The following TBCA variants were observed in gnomAD, a reference collection of about 807,000 sequenced individuals.
TBCA encodes tubulin-specific chaperone A.
A neutral mutation model predicts 15.8 loss-of-function variants in TBCA; 6 were observed. The observed-to-expected ratio is 0.38, with a 90% confidence interval of 0.21 to 0.75. TBCA has a LOEUF of 0.75. TBCA is among the 30% of genes least tolerant of loss of function. The pLI, the probability that TBCA is intolerant of heterozygous loss-of-function variation, is 0.46. For synonymous variants in TBCA, 32 were observed against 42.3 expected (o/e 0.76, Z 0.94); for missense variants, 90 against 131.2 (o/e 0.69, Z 1.53).
chr5:77,747,035 A>C (rs187892907), intron 1 of TBCA, among the ~76,000 whole-genome samples: 2 of 152,270 alleles, frequency 1.3e-5, no homozygotes, highest in Admixed American at 1.3e-4. Flanking sequence ...CTAAACAAAA[A>C]TTTAAGCTAT....
chr5:77,770,201 T>C (rs978717530), intron 1 of TBCA, among the ~76,000 whole-genome samples: 5 of 152,356 alleles, frequency 3.3e-5, no homozygotes, highest in Middle Eastern at 6.8e-3. Flanking sequence ...ATAAGTCACT[T>C]AGCTGAAATA....
chr5:77,741,141 AAG>A (rs1451523572), intron 1 of TBCA, among the ~76,000 whole-genome samples: 2 of 152,156 alleles, frequency 1.3e-5, no homozygotes, highest in Non-Finnish European at 2.9e-5. Flanking sequence ...CTACTAAGAA[AAG>A]AAATCAGACT....
At chr5:77,695,253 T>A (rs1230713668) in intron 2 of TBCA, among the ~76,000 whole-genome samples, 1 of 152,168 alleles carries the variant, frequency 6.6e-6, no homozygotes, top group Non-Finnish European at 1.5e-5. Flanking sequence ...AGATCAAGAA[T>A]CCTCAGTCTA....
intron 2 of TBCA, among the ~76,000 whole-genome samples, chr5:77,700,953 A>G (rs1745997762): frequency 6.6e-6 from 1 of 152,196 alleles, no homozygotes; most frequent in South Asian, 2.1e-4. Flanking sequence ...CTAAGACCTG[A>G]AACCATGAAA....
At chr5:77,719,299 T>C (rs1403673055) in intron 1 of TBCA, among the ~76,000 whole-genome samples, 3 of 152,186 alleles carry the variant, frequency 2.0e-5, no homozygotes, top group African/African-American at 7.2e-5. Context: ...TTAAAGTAAA[T>C]GAAGCAATTT....
chr5:77,712,381 T>C (rs1746298854), intron 1 of TBCA, among the ~76,000 whole-genome samples: 1 of 152,164 alleles, frequency 6.6e-6, no homozygotes, highest in African/African-American at 2.4e-5. Context: ...TAAAATAGTA[T>C]TAGTTTTCTC....
At chr5:77,769,639 G>T (rs562246397) in intron 1 of TBCA, among the ~76,000 whole-genome samples, 1 of 151,842 alleles carries the variant, frequency 6.6e-6, no homozygotes, top group East Asian at 1.9e-4. Context: ...TTCGGAAGAT[G>T]CCACAGTTTG....
chr5:77,752,539 T>C lies in TBCA; in HGVS notation c.53+23666A>G, dbSNP rs1217285349. Among the ~76,000 whole-genome samples the C allele has an allele frequency of 2.1e-4, 10 of 47,840 alleles. 2 individuals are homozygous for C. The highest frequency in any genetic ancestry group is 5.0e-4 in the Non-Finnish European group (10 of 20,044). The allele number at this position is 47,840 out of a possible 152,430, so 31.4% of individuals were successfully genotyped here. ...CCACCATGTCCGGCTTATTTTTGTT[T>C]TGTTTTGTTTTGTTTTGTTTTTCTT... On this transcript the variant is annotated intron_variant, in intron 1 of 3. Coordinates refer to ENST00000380377, the MANE Select transcript of TBCA (RefSeq NM_004607.3).
At chr5:77,761,640 T>TAA (rs373655181) in intron 1 of TBCA, among the ~76,000 whole-genome samples, 16 of 144,936 alleles carry the variant, frequency 1.1e-4, no homozygotes, top group Non-Finnish European at 1.7e-4. Context: ...AATAAATACT[T>TAA]AAAAAAAAAA....
intron 1 of TBCA, among the ~76,000 whole-genome samples, chr5:77,746,723 G>A (rs1295192364): frequency 1.3e-5 from 2 of 152,036 alleles, no homozygotes; most frequent in African/African-American, 2.4e-5. Context: ...CATTACAAAT[G>A]TACCATCTGG....
At chr5:77,755,943 G>C (rs1381424557) in intron 1 of TBCA, among the ~76,000 whole-genome samples, 1 of 152,212 alleles carries the variant, frequency 6.6e-6, no homozygotes, top group Non-Finnish European at 1.5e-5. Flanking sequence ...GGCGGAGGTT[G>C]CGGTGAGCAG....
chr5:77,738,921 T>C (rs1035130177), intron 1 of TBCA, among the ~76,000 whole-genome samples: 11 of 152,144 alleles, frequency 7.2e-5, no homozygotes, highest in African/African-American at 2.7e-4. Context: ...GTTTCCAAAC[T>C]GCTGGTTGTA....
At chr5:77,711,531 T>G (rs906129614) in intron 1 of TBCA, among the ~76,000 whole-genome samples, 3 of 152,196 alleles carry the variant, frequency 2.0e-5, no homozygotes, top group Non-Finnish European at 4.4e-5. Context: ...GTTGGTTGAA[T>G]GAATAAAAAA....
intron 2 of TBCA, among the ~76,000 whole-genome samples, chr5:77,700,531 T>A (rs548825158): frequency 1.2e-4 from 18 of 152,340 alleles, no homozygotes; most frequent in Non-Finnish European, 2.6e-4. Context: ...ATCATATAGC[T>A]GATGGCTAAA....
chr5:77,753,461 T>C (rs1406580891), intron 1 of TBCA, among the ~76,000 whole-genome samples: 3 of 152,194 alleles, frequency 2.0e-5, no homozygotes, highest in African/African-American at 7.2e-5. Flanking sequence ...TCCCTTACTT[T>C]AAACCATTAA....
In TBCA at chr5:77,737,571, C is replaced by A. The variant is rs551840269; in HGVS notation, c.54-29224G>T. Among the ~76,000 whole-genome samples the A allele has an allele frequency of 2.6e-5, 4 of 152,210 alleles. No homozygotes were observed. The East Asian group carries it at 7.7e-4, about 29-fold the overall frequency. ...AATACTGAATAAGCTGCTTAATTTC[C>A]CTGTCTCAGGTTCATCGTTTTATAA... On this transcript the variant is annotated intron_variant, in intron 1 of 3. Coordinates refer to ENST00000380377, the MANE Select transcript of TBCA (RefSeq NM_004607.3).
chr5:77,750,353 A>G (rs1354307690), intron 1 of TBCA, among the ~76,000 whole-genome samples: 2 of 152,118 alleles, frequency 1.3e-5, no homozygotes, highest in African/African-American at 4.8e-5. Context: ...AAGTAAATTC[A>G]TTCATTTTAC....
At chr5:77,700,440 A>G (rs964035354) in intron 2 of TBCA, among the ~76,000 whole-genome samples, 1 of 152,232 alleles carries the variant, frequency 6.6e-6, no homozygotes, top group African/African-American at 2.4e-5. Context: ...GACAGCAAAT[A>G]AGCACATGAA....
chr5:77,756,033 C>A (rs1384183933), intron 1 of TBCA, among the ~76,000 whole-genome samples: 1 of 152,032 alleles, frequency 6.6e-6, no homozygotes, highest in African/African-American at 2.4e-5. Context: ...AAAAAAAAAA[C>A]ACAAATGGGT....
Sources: allele counts gnomAD v4.1 joint callset (sites outside exome capture counted in the v4.1 genomes callset), GRCh38; gene constraint gnomAD v4.1.1; transcripts MANE v1.5; gene names NCBI Gene and HGNC (gene_info 2026-07-23, HGNC 2026-07-21).